KCNJ3: variants seen among roughly 807,000 people sequenced by gnomAD.
KCNJ3 encodes the protein G protein-activated inward rectifier potassium channel 1.
Under a neutral mutation model 39.2 loss-of-function variants are expected in KCNJ3, and 4 were observed. That is an observed-to-expected ratio of 0.10 (90% CI 0.05 to 0.23). The LOEUF (loss-of-function observed/expected upper bound fraction) is 0.23. Ranked by LOEUF, KCNJ3 falls within the 10% of genes least tolerant of loss-of-function variation. KCNJ3 has a pLI of 1.00. For synonymous variants in KCNJ3, 230 were observed against 237.4 expected (o/e 0.97, Z 0.29); for missense variants, 276 against 634.9 (o/e 0.43, Z 6.08).
intron 2 of KCNJ3, among the ~76,000 whole-genome samples, chr2:154,715,505 T>G (rs1685167298): frequency 6.6e-6 from 1 of 152,212 alleles, no homozygotes; most frequent in South Asian, 2.1e-4. Context: ...CCTGGGCACT[T>G]TAATCCATAG....
chr2:154,712,816 C>T (rs140213918), intron 2 of KCNJ3, among the ~76,000 whole-genome samples: 12 of 152,010 alleles, frequency 7.9e-5, no homozygotes, highest in Non-Finnish European at 1.6e-4. Flanking sequence ...ACCAAGGTGA[C>T]GGGATAGGGA....
intron 2 of KCNJ3, among the ~76,000 whole-genome samples, chr2:154,801,742 T>A (rs1686823366): frequency 6.6e-6 from 1 of 151,974 alleles, no homozygotes; most frequent in South Asian, 2.1e-4. Context: ...TTCTCCCACA[T>A]GAGTCTCCCA....
chr2:154,835,020 A>T (rs935655523), intron 2 of KCNJ3, among the ~76,000 whole-genome samples: 2 of 151,048 alleles, frequency 1.3e-5, no homozygotes, highest in Admixed American at 6.6e-5. Context: ...TTTTTTTTTT[A>T]AATATCATTA....
At chr2:154,765,755 A>G (rs1446683767) in intron 2 of KCNJ3, among the ~76,000 whole-genome samples, 2 of 152,228 alleles carry the variant, frequency 1.3e-5, no homozygotes, top group East Asian at 1.9e-4. Context: ...AGAAAATACA[A>G]TAACTTTACA....
At chr2:154,738,980 A>G (rs1478809835) in intron 2 of KCNJ3, among the ~76,000 whole-genome samples, 1 of 152,098 alleles carries the variant, frequency 6.6e-6, no homozygotes, top group Non-Finnish European at 1.5e-5. Flanking sequence ...CAAAGTTCTT[A>G]CTTTGAATTA....
intron 2 of KCNJ3, among the ~76,000 whole-genome samples, chr2:154,784,602 C>T (rs551646420): frequency 1.9e-4 from 29 of 152,050 alleles, no homozygotes; most frequent in Non-Finnish European, 4.0e-4. Context: ...AGGCTGGTCT[C>T]GAACTCCTGA....
intron 2 of KCNJ3, among the ~76,000 whole-genome samples, chr2:154,810,059 G>T (rs938424019): frequency 2.6e-5 from 3 of 116,144 alleles, no homozygotes; most frequent in Admixed American, 8.4e-5. Flanking sequence ...GATTAATATT[G>T]TTCCTCTCTC....
At chr2:154,760,773 G>A (rs1221941906) in intron 2 of KCNJ3, among the ~76,000 whole-genome samples, 1 of 118,564 alleles carries the variant, frequency 8.4e-6, no homozygotes, top group African/African-American at 3.4e-5. Context: ...GTCTTGCTCT[G>A]TCACCCAGGC....
chr2:154,743,603 TTTTG>T (rs952655834), intron 2 of KCNJ3, among the ~76,000 whole-genome samples: 54 of 151,680 alleles, frequency 3.6e-4, no homozygotes, highest in Non-Finnish European at 2.8e-4. Context: ...CTGTATTTTT[TTTTG>T]TTTTAGTGTC....
intron 2 of KCNJ3, among the ~76,000 whole-genome samples, chr2:154,815,716 A>G (rs537865248): frequency 8.5e-5 from 13 of 152,188 alleles, no homozygotes; most frequent in Non-Finnish European, 1.9e-4. Flanking sequence ...CAGACTCTTT[A>G]CTTGTTCCCT....
At chr2:154,809,882 A>T (rs1558879854) in intron 2 of KCNJ3, among the ~76,000 whole-genome samples, 2 of 109,118 alleles carry the variant, frequency 1.8e-5, no homozygotes, top group Non-Finnish European at 2.1e-5. Context: ...TATATCATAG[A>T]AAATATTATA....
chr2:154,749,952 C>A (rs544016872), intron 2 of KCNJ3, among the ~76,000 whole-genome samples: 16 of 151,936 alleles, frequency 1.1e-4, no homozygotes, highest in African/African-American at 3.9e-4. Context: ...GTGACCATAA[C>A]CACCGAAATA....
intron 2 of KCNJ3, among the ~76,000 whole-genome samples, chr2:154,790,951 G>C (rs947318808): frequency 2.6e-5 from 4 of 152,060 alleles, no homozygotes; most frequent in Non-Finnish European, 5.9e-5. Context: ...CAATATTTGT[G>C]TTTCAACAAT....
rs1687841861 is a variant in KCNJ3 at position 154,856,529 on chromosome 2, T to A, written c.*1216T>A. ...TGGCATTTGTTGTAACAGGATAGAC[T>A]TTTTCCTCACCTAGGAAACCTATCC... On this transcript the variant is annotated 3_prime_UTR_variant, in exon 3 of 3. Coordinates refer to ENST00000295101, the MANE Select transcript of KCNJ3 (RefSeq NM_002239.4). The A allele has an allele frequency of 6.6e-6, 1 of 152,184 alleles. No individual in the cohort carries two copies. The highest frequency in any genetic ancestry group is 2.1e-4 in the South Asian group (1 of 4,834). 9.4% of individuals were successfully genotyped at this position (152,184 alleles called of 1,614,324 possible).
intron 2 of KCNJ3, among the ~76,000 whole-genome samples, chr2:154,824,042 C>A (rs2105112634): frequency 1.3e-5 from 2 of 152,030 alleles, no homozygotes; most frequent in Middle Eastern, 3.4e-3. Context: ...TTAAATTACC[C>A]TATACTTAGG....
chr2:154,745,746 G>T (rs138982360), intron 2 of KCNJ3, among the ~76,000 whole-genome samples: 1 of 151,908 alleles, frequency 6.6e-6, no homozygotes, highest in Non-Finnish European at 1.5e-5. Context: ...GAGATTTTCA[G>T]TTGAAACCTG....
At chr2:154,724,179 A>G (rs1685310916) in intron 2 of KCNJ3, among the ~76,000 whole-genome samples, 1 of 152,154 alleles carries the variant, frequency 6.6e-6, no homozygotes, top group Non-Finnish European at 1.5e-5. Flanking sequence ...TTATAGTTAC[A>G]GAAATCAGTC....
chr2:154,830,573 T>G (rs200156904), intron 2 of KCNJ3, among the ~76,000 whole-genome samples: 5 of 152,168 alleles, frequency 3.3e-5, no homozygotes, highest in Non-Finnish European at 5.9e-5. Flanking sequence ...GCCAGTGCTC[T>G]GTCAGCAGAT....
chr2:154,714,737 T>A (rs2105155370), intron 2 of KCNJ3, among the ~76,000 whole-genome samples: 1 of 152,360 alleles, frequency 6.6e-6, no homozygotes, highest in East Asian at 1.9e-4. Context: ...TTATATTTAA[T>A]TAATTTGTTC....
Sources: allele counts gnomAD v4.1 joint callset (sites outside exome capture counted in the v4.1 genomes callset), GRCh38; gene constraint gnomAD v4.1.1; transcripts MANE v1.5; gene names NCBI Gene and HGNC (gene_info 2026-07-23, HGNC 2026-07-21).